Variants in SHKBP1 observed in about 807,000 individuals in gnomAD.
SHKBP1 encodes SH3KBP1-binding protein 1.
Under a neutral mutation model 83.9 loss-of-function variants are expected in SHKBP1, and 71 were observed. That is an observed-to-expected ratio of 0.85 (90% confidence interval 0.70 to 1.03). The LOEUF (loss-of-function observed/expected upper bound fraction) is 1.03. SHKBP1 is among the 50% of genes least tolerant of loss of function. SHKBP1 has a pLI of 0.00. For missense variants in SHKBP1, 824 were observed against 982.4 expected, an observed-to-expected ratio of 0.84 and a Z score of 2.16; for synonymous variants, 371 against 398.0, an observed-to-expected ratio of 0.93 and a Z score of 0.81.
intron 6 of SHKBP1, among the ~76,000 whole-genome samples, chr19:40,579,227 C>T (rs2081247425): frequency 6.6e-6 from 1 of 152,090 alleles, no homozygotes; most frequent in South Asian, 2.1e-4. Flanking sequence ...ATCCTTCCAC[C>T]TCAGCTCTGC....
chr19:40,578,417 C>G (rs1364129047), intron 5 of SHKBP1, 45 bp from the exon 6 acceptor site: 1 of 1,603,274 alleles, frequency 6.2e-7, no homozygotes, highest in Non-Finnish European at 8.5e-7. Flanking sequence ...ATGGGGTGGC[C>G]TCAGCATCTC....
At chr19:40,579,956 C>G (rs2081252870) in intron 6 of SHKBP1, among the ~76,000 whole-genome samples, 1 of 148,756 alleles carries the variant, frequency 6.7e-6, no homozygotes, top group Non-Finnish European at 1.5e-5. Flanking sequence ...TCACTTGAAC[C>G]CAGGAGGCAG....
At chr19:40,587,674 G>A (rs1442015945) in intron 13 of SHKBP1, among the ~76,000 whole-genome samples, 5 of 152,198 alleles carry the variant, frequency 3.3e-5, no homozygotes, top group Non-Finnish European at 7.3e-5. Context: ...GCCAAGGTGG[G>A]AGGATTGCTT....
At chr19:40,580,960 A>G in intron 9 of SHKBP1, 24 bp downstream of exon 9, 1 of 1,513,038 alleles carries the variant, frequency 6.6e-7, no homozygotes, top group Non-Finnish European at 8.8e-7. Context: ...CCTTTTCCAG[A>G]ACCCTCTGTC....
chr19:40,577,867 C>T, intron 4 of SHKBP1: 5 of 618,846 alleles, frequency 8.1e-6, no homozygotes, highest in South Asian at 5.8e-5. Context: ...CATAGCGAGA[C>T]CCCTTCTCTA....
At chr19:40,577,991 ACTC>A in intron 4 of SHKBP1, 160 bp from the exon 5 acceptor site, 2 of 672,602 alleles carry the variant, frequency 3.0e-6, no homozygotes, top group Non-Finnish European at 5.4e-6. Flanking sequence ...ACACACACAC[ACTC>A]AACATTTCCT....
rs746051073 is a variant in SHKBP1, at chr19:40,578,151, C to T, written c.261-3C>T. 3.1e-6 allele frequency: 5 copies of T among 1,613,836 alleles called. No individual in the cohort carries two copies. The Admixed American group carries it at 6.7e-5, about 22-fold the overall frequency. On this transcript the variant is annotated splice_region_variant and splice_polypyrimidine_tract_variant and intron_variant, in intron 4 of 17. Transcript: ENST00000291842. ...CTGACCTCTAGTCAATTCTACTACC[C>T]AGGGGTGTCCACGGTTCCAGCCTCC...
In SHKBP1 at chr19:40,580,925, G is replaced by T; in HGVS notation, c.833G>T (p.Gly278Val). The stretch of plus-strand genomic sequence containing the variant: ...TGGGCTCTGCAGGCGGAAGGCGGTG[G>T]CTCCGAGATAGGTATGACCCCAAGC... ...LLWALQAEGG[G>V]SEIGVFHLGV... The change falls in exon 9 of 18, where the codon GGC (glycine) becomes GTC (valine). Residue 278 changes from glycine to valine, a missense_variant. Gly to Val is a moderately radical substitution (Grantham distance 109). This residue lies in a region of SHKBP1 where 355 missense variants were observed against 386.4 expected (regional missense o/e 0.92). Coordinates refer to ENST00000291842, the MANE Select transcript of SHKBP1 (RefSeq NM_138392.4). 6.4e-7 allele frequency: 1 copy of T among 1,567,576 alleles called. No individual in the cohort carries two copies. The highest frequency in any genetic ancestry group is 1.4e-5 in the African/African-American group (1 of 73,468).
chr19:40,587,990 G>A (rs1477116306), intron 13 of SHKBP1, among the ~76,000 whole-genome samples: 2 of 152,240 alleles, frequency 1.3e-5, no homozygotes, highest in African/African-American at 4.8e-5. Flanking sequence ...GCTAGAGAGT[G>A]TCAAGTCGCT....
Position 40,576,922 on chromosome 19 carries a change from C to T in SHKBP1, c.23C>T (p.Ala8Val), listed in dbSNP as rs1038255259. 7 of 1,482,760 alleles carry T rather than the reference C, an allele frequency of 4.7e-6. No homozygotes were observed. The highest frequency in any genetic ancestry group is 6.2e-6 in the Non-Finnish European group (7 of 1,121,358). The allele number at this position is 1,482,760 out of a possible 1,614,324, so 91.9% of individuals were successfully genotyped here. A position where few individuals can be genotyped will look rare whatever the true frequency, so the allele number is the denominator to read the frequency against. The change falls in exon 1 of 18, where the codon GCC (alanine) becomes GTC (valine). Residue 8 changes from alanine to valine, a missense_variant. Transcript: ENST00000291842. ...GCCATGGCAGCAGCGGCTACTGCAG[C>T]CGAGGGGGTCCCCAGTCGGGGGCCT... MAAAATA[A>V]EGVPSRGPPG... is the part of the protein sequence containing the mutation.
chr19:40,579,441 T>C (rs1198707509), intron 6 of SHKBP1, among the ~76,000 whole-genome samples: 2 of 152,080 alleles, frequency 1.3e-5, no homozygotes, highest in Admixed American at 6.6e-5. Flanking sequence ...ACAGGTGGAT[T>C]ACTTGAGACC....
chr19:40,590,243 G>T lies in SHKBP1; in HGVS notation c.1590-1G>T. The T allele has an allele frequency of 6.3e-7, 1 of 1,579,930 alleles. No individual in the cohort carries two copies. ...ACCACCTCCCCCACTGCACCCCCCAGGGTGTGCTCCGTGCGCTCCGTGGAC... is the reference window on the plus strand; with the variant it reads ...ACCACCTCCCCCACTGCACCCCCCATGGTGTGCTCCGTGCGCTCCGTGGAC... On this transcript the variant is annotated splice_acceptor_variant, in intron 15 of 17. Coordinates refer to ENST00000291842, the MANE Select transcript of SHKBP1 (RefSeq NM_138392.4). LOFTEE classifies it high-confidence loss of function. The surrounding 1 kb of genome is among the most constrained non-coding windows in gnomAD (Gnocchi z 4.6).
Position 40,578,689 on chromosome 19 carries a change from G to A in SHKBP1, c.400+147G>A, listed in dbSNP as rs1034357715. On this transcript the variant is annotated intron_variant, in intron 6 of 17. Transcript: ENST00000291842. ...CTATCAGATGCTTGGGCTGATGCTT[G>A]GAAAGGAAGTTGGACACAGCATTTC... The A allele has an allele frequency of 9.7e-6, 7 of 721,126 alleles. No homozygotes were observed. The African/African-American group carries it at 1.1e-4, about 11-fold the overall frequency. The allele number at this position is 721,126 out of a possible 1,614,324, so 44.7% of individuals were successfully genotyped here. A position where few individuals can be genotyped will look rare whatever the true frequency, so the allele number is the denominator to read the frequency against.
chr19:40,577,063 T>C, intron 1 of SHKBP1, 78 bp downstream of exon 1: 2 of 1,198,112 alleles, frequency 1.7e-6, no homozygotes, highest in South Asian at 2.9e-5. Context: ...CCTGGGGGAA[T>C]CCCTGTCCAT....
rs1479620739 is a variant in SHKBP1, at chr19:40,577,619, G to T, written c.249G>T (p.Glu83Asp). The T allele has an allele frequency of 6.2e-7, 1 of 1,613,950 alleles. No individual in the cohort carries two copies. Among genetic ancestry groups the T allele is most frequent in the African/African-American group, 1.3e-5 (1 of 74,880 alleles). The change falls in exon 4 of 18, where the codon GAG (glutamate) becomes GAT (aspartate). Residue 83 changes from glutamate (E) to aspartate (D), a missense_variant. Around this residue, in one of 3 missense-constraint regions of SHKBP1, gnomAD observed 355 missense variants for 386.4 expected, o/e 0.92. Transcript: ENST00000291842. ...TCCTCAACTTCCTGCGCACCAAAGA[G>T]TTGGATCCCAGGTTGGCATGGAAAA... is the stretch of plus-strand genomic sequence containing the variant. ...APILNFLRTK[E>D]LDPRGVHGSS...
At chr19:40,583,190 A>T (rs1205820445) in intron 10 of SHKBP1, among the ~76,000 whole-genome samples, 1 of 151,292 alleles carries the variant, frequency 6.6e-6, no homozygotes, top group Non-Finnish European at 1.5e-5. Context: ...AGAGTCCAGG[A>T]GAGGCCAAGA....
chr19:40,577,544 C>G lies in SHKBP1; in HGVS notation c.187-13C>G. 1 of 1,614,074 alleles carries G rather than the reference C, an allele frequency of 6.2e-7. No homozygotes were observed. Among genetic ancestry groups the G allele is most frequent in the Non-Finnish European group, 8.5e-7 (1 of 1,180,000 alleles). On this transcript the variant is annotated splice_polypyrimidine_tract_variant and intron_variant, in intron 3 of 17. Coordinates refer to ENST00000291842, the MANE Select transcript of SHKBP1 (RefSeq NM_138392.4). ...CTTTTACCCCATCCATCCTCTGCCC[C>G]CCTTTCCCGCAGATCTTCATCGACA...
At chr19:40,585,176 A>T (rs1279176601) in intron 12 of SHKBP1, among the ~76,000 whole-genome samples, 2 of 152,150 alleles carry the variant, frequency 1.3e-5, no homozygotes, top group Non-Finnish European at 2.9e-5. Flanking sequence ...GCATGATGTG[A>T]GTTCTCTGCC....
chr19:40,579,098 C>CATTTATTTATTTATTT (rs57291083), intron 6 of SHKBP1, among the ~76,000 whole-genome samples: 34 of 151,742 alleles, frequency 2.2e-4, no homozygotes, highest in African/African-American at 7.3e-4. Flanking sequence ...GAAAAACAAT[C>CATTTATTTATTTATTT]ATTTATTTAT....
Sources: gnomAD v4.1 joint callset for allele counts (sites outside exome capture counted in the v4.1 genomes callset) on GRCh38, gnomAD v4.1.1 for gene constraint, gnomAD v4.1.1 regional missense constraint, Gnocchi (gnomAD v3.1) non-coding constraint, MANE v1.5 for transcripts, NCBI Gene and HGNC (gene_info 2026-07-23, HGNC 2026-07-21) for gene names.